Variants in CNTLN observed in about 807,000 individuals in gnomAD.
CNTLN encodes the protein centlein, centrosomal protein.
CNTLN carries 212 observed loss-of-function variants against 180.0 expected under a neutral mutation model. The observed-to-expected ratio is 1.18, with a 90% confidence interval of 1.05 to 1.32. CNTLN has a LOEUF of 1.32. Ranked by LOEUF, CNTLN falls within the 40% of genes most tolerant of loss-of-function variation. The pLI, the probability that CNTLN is intolerant of heterozygous loss-of-function variation, is 0.00. For synonymous variants in CNTLN, 722 were observed against 563.1 expected, an observed-to-expected ratio of 1.28 and a Z score of -3.99; for missense variants, 2,095 against 1,610.9, an observed-to-expected ratio of 1.30 and a Z score of -5.14.
chr9:17,409,004 A>G (rs1827631085), intron 15 of CNTLN, among the ~76,000 whole-genome samples: 1 of 152,100 alleles, frequency 6.6e-6, no homozygotes, highest in South Asian at 2.1e-4. Context: ...CCAACCCTGG[A>G]AGTGTTACAA....
chr9:17,271,607 T>C (rs1303006177), intron 5 of CNTLN, among the ~76,000 whole-genome samples: 1 of 152,206 alleles, frequency 6.6e-6, no homozygotes, highest in African/African-American at 2.4e-5. Context: ...TTTCAGCCTA[T>C]CTTTCTTGTA....
At chr9:17,240,736 G>T (rs985935349) in intron 5 of CNTLN, among the ~76,000 whole-genome samples, 1 of 152,144 alleles carries the variant, frequency 6.6e-6, no homozygotes, top group East Asian at 1.9e-4. Flanking sequence ...CTGTGCGGAA[G>T]CTTTTTAAGT....
intron 5 of CNTLN, among the ~76,000 whole-genome samples, chr9:17,267,520 G>A (rs1192181561): frequency 6.6e-6 from 1 of 151,846 alleles, no homozygotes; most frequent in African/African-American, 2.4e-5. Flanking sequence ...ATGTGTCTTG[G>A]AGTTGCTCTT....
intron 2 of CNTLN, among the ~76,000 whole-genome samples, chr9:17,156,506 C>T (rs1819301021): frequency 6.6e-6 from 1 of 151,988 alleles, no homozygotes; most frequent in Non-Finnish European, 1.5e-5. Flanking sequence ...CTTTCTCTTA[C>T]TCTTTTTTTC....
intron 10 of CNTLN, 51 bp from the exon 11 acceptor site, chr9:17,340,776 T>C: frequency 6.7e-7 from 1 of 1,502,054 alleles, no homozygotes; most frequent in Non-Finnish European, 9.0e-7. Flanking sequence ...TGAAACATTA[T>C]ATTAATACTT....
At chr9:17,423,686 T>C (rs1351160879) in intron 18 of CNTLN, among the ~76,000 whole-genome samples, 19 of 152,162 alleles carry the variant, frequency 1.2e-4, no homozygotes, top group Admixed American at 1.2e-3. Flanking sequence ...TTTAGTTAGC[T>C]GGTAGTGGAG....
At chr9:17,522,374 C>A in the CNTLN span, among the ~76,000 whole-genome samples, 4 of 152,108 alleles carry the variant, frequency 2.6e-5, no homozygotes, top group Admixed American at 2.6e-4. Context: ...CGCTAACTTG[C>A]CCAAGATTCC....
intron 2 of CNTLN, among the ~76,000 whole-genome samples, chr9:17,153,616 C>T (rs533541699): frequency 6.6e-6 from 1 of 152,236 alleles, no homozygotes; most frequent in African/African-American, 2.4e-5. Context: ...CTTGGTGAAT[C>T]TGATGATTAT....
intron 23 of CNTLN, among the ~76,000 whole-genome samples, chr9:17,473,603 A>ACC (rs1564136009): frequency 6.0e-5 from 9 of 148,974 alleles, no homozygotes; most frequent in Non-Finnish European, 1.0e-4. Flanking sequence ...AAAAAAAAAA[A>ACC]AAACAAAACA....
intron 15 of CNTLN, among the ~76,000 whole-genome samples, 170 bp downstream of exon 15, chr9:17,395,239 G>T (rs964551806): frequency 6.6e-6 from 1 of 152,120 alleles, no homozygotes; most frequent in Non-Finnish European, 1.5e-5. Context: ...ACTGAAATTT[G>T]CATGCAAAAT....
In CNTLN at chr9:17,366,644, A is replaced by C. The variant is rs1353131328; in HGVS notation, c.1914A>C (p.Glu638Asp). 7 of 1,564,130 alleles carry C rather than the reference A, an allele frequency of 4.5e-6. No homozygotes were observed. The South Asian group carries it at 8.0e-5, about 18-fold the overall frequency. The change falls in exon 13 of 26, where the codon GAA (glutamate) becomes GAC (aspartate). Residue 638 changes from glutamate (E) to aspartate (D), a missense_variant. Glu to Asp is a conservative substitution (Grantham distance 45). Transcript: ENST00000380647. ...QKMNLEEELD[E>D]LKVHISIDKA... ...TGAATCTTGAAGAAGAATTAGATGA[A>C]CTTAAAGTACATATATCTATTGATA...
chr9:17,242,420 G>T (rs1264916926), intron 5 of CNTLN, among the ~76,000 whole-genome samples: 3 of 151,696 alleles, frequency 2.0e-5, no homozygotes, highest in Admixed American at 1.3e-4. Flanking sequence ...AGTGATTCTT[G>T]CCTCAGCTTC....
At chr9:17,509,410 G>A in the CNTLN span, among the ~76,000 whole-genome samples, 1 of 152,182 alleles carries the variant, frequency 6.6e-6, no homozygotes, top group Admixed American at 6.5e-5. Context: ...TACCATCTGT[G>A]GACTTACAGA....
Position 17,293,147 on chromosome 9 carries a change from C to G in CNTLN, c.984-5043C>G, listed in dbSNP as rs146343250. On this transcript the variant is annotated intron_variant, in intron 6 of 25. Coordinates refer to ENST00000380647, the MANE Select transcript of CNTLN (RefSeq NM_017738.4). ...CAAAGATGGCTGCCTGCTACTTCCT[C>G]TGGCTGGGATCTTCGTCCCAGAGGG... Among the ~76,000 whole-genome samples the G allele has an allele frequency of 2.5e-4, 38 of 152,328 alleles. 1 individual carries two copies. The highest frequency in any genetic ancestry group is 1.2e-3 in the Admixed American group (19 of 15,312).
Position 17,342,412 on chromosome 9 carries a change from C to T in CNTLN, c.1854C>T (p.Phe618=), listed in dbSNP as rs755188297. The T allele has an allele frequency of 1.9e-6, 3 of 1,609,802 alleles. No homozygotes were observed. In the South Asian group the frequency reaches 3.4e-5, roughly 18 times the overall value. Residue 618 remains phenylalanine (F), a synonymous_variant, in exon 12 of 26, where the codon TTC becomes TTT. Transcript: ENST00000380647. ...SDAVWNELAY[F]KRENQELMIQ... ...CTGTGTGGAATGAACTGGCATATTT[C>T]AAAAGGGAAAACCAGGAGCTAATGA...
At chr9:17,363,042 A>G (rs1196735811) in intron 12 of CNTLN, among the ~76,000 whole-genome samples, 3 of 152,186 alleles carry the variant, frequency 2.0e-5, no homozygotes, top group Non-Finnish European at 4.4e-5. Flanking sequence ...AGCTTCATCC[A>G]TGTCCCTGCA....
chr9:17,156,618 G>A (rs575851385), intron 2 of CNTLN, among the ~76,000 whole-genome samples: 1 of 152,108 alleles, frequency 6.6e-6, no homozygotes, highest in African/African-American at 2.4e-5. Flanking sequence ...CCATAAATAG[G>A]ATCTTATTCA....
At chr9:17,484,220 A>G in intron 23 of CNTLN, 75 bp from the exon 24 acceptor site, 3 of 1,171,354 alleles carry the variant, frequency 2.6e-6, no homozygotes, top group Admixed American at 2.4e-5. Context: ...TAGTATCTTC[A>G]TATTTTTATG....
At position 17,323,584 on chromosome 9, in the gene CNTLN, A is replaced by C. The variant is rs528757195; in HGVS notation, c.1342-7048A>C. 1.2e-4 allele frequency among the ~76,000 whole-genome samples: 19 copies of C among 152,306 alleles called. No individual in the cohort carries two copies. In the East Asian group the frequency reaches 3.7e-3, roughly 29 times the overall value. ...ACAGCGCGGCTTTCTGCTGGCTAGA[A>C]ATGAGGGAGAAGCTAAAACACTCCC... On this transcript the variant is annotated intron_variant, in intron 8 of 25. Coordinates refer to ENST00000380647, the MANE Select transcript of CNTLN (RefSeq NM_017738.4).
Sources: allele counts gnomAD v4.1 joint callset (sites outside exome capture counted in the v4.1 genomes callset), GRCh38; gene constraint gnomAD v4.1.1; transcripts MANE v1.5; gene names NCBI Gene and HGNC (gene_info 2026-07-23, HGNC 2026-07-21).